The following TRIM67 variants were observed in gnomAD, a reference collection of about 807,000 sequenced individuals.
The protein encoded by TRIM67 is tripartite motif containing 67.
Under a neutral mutation model 71.0 loss-of-function variants are expected in TRIM67, and 39 were observed. The ratio of observed to expected loss-of-function variants is 0.55; its 90% CI spans 0.43 to 0.72. TRIM67 has a LOEUF of 0.72. Among genes scored for constraint, TRIM67 ranks in the 30% least tolerant of loss-of-function variants. The probability of loss-of-function intolerance (pLI) is 0.00; values close to 1 mark genes in which losing one functional copy is unlikely to be tolerated. For synonymous variants in TRIM67, 481 were observed against 473.9 expected (o/e 1.01, Z -0.19); for missense variants, 973 against 1,079.2 (o/e 0.90, Z 1.38).
chr1:231,191,959 C>T (rs1436855926), intron 1 of TRIM67, among the ~76,000 whole-genome samples: 3 of 151,898 alleles, frequency 2.0e-5, no homozygotes, highest in Non-Finnish European at 4.4e-5. Context: ...AGATCTCCAG[C>T]GTGCAGTGGG....
chr1:231,193,538 C>CTCTCTCTCTT (rs1683291530), intron 1 of TRIM67, among the ~76,000 whole-genome samples: 1 of 151,534 alleles, frequency 6.6e-6, no homozygotes. Flanking sequence ...CTCTCTCTCT[C>CTCTCTCTCTT]TCTCTCTCTC....
At position 231,201,391 on chromosome 1, in the gene TRIM67, T is replaced by A. The variant is rs1225959637; in HGVS notation, c.1408T>A (p.Ser470Thr). ...SDALIKRVQV[S>T]QEQWVKGALE... Reference sequence around the variant, plus strand: ...TGCTCTGATCAAGCGCGTCCAGGTGTCTCAGGAGCAGTGGGTCAAAGGCGC... The same window carrying A: ...TGCTCTGATCAAGCGCGTCCAGGTGACTCAGGAGCAGTGGGTCAAAGGCGC... The change falls in exon 5 of 10, where the codon TCT becomes ACT. Residue 470 changes from serine (S) to threonine (T), a missense_variant. Physicochemically the swap from Ser to Thr is moderately conservative, Grantham distance 58 (BLOSUM62 1). Transcript: ENST00000366653. The A allele has an allele frequency of 6.2e-7, 1 of 1,613,530 alleles. No individual in the cohort carries two copies. Among genetic ancestry groups the A allele is most frequent in the South Asian group, 1.1e-5 (1 of 90,920 alleles).
chr1:231,193,887 C>A (rs1391077837), intron 1 of TRIM67, among the ~76,000 whole-genome samples: 1 of 152,204 alleles, frequency 6.6e-6, no homozygotes, highest in Non-Finnish European at 1.5e-5. Flanking sequence ...TACCAAGACA[C>A]TCATGCGGAT....
At chr1:231,199,748 G>A (rs1040165937) in intron 3 of TRIM67, among the ~76,000 whole-genome samples, 5 of 152,202 alleles carry the variant, frequency 3.3e-5, no homozygotes, top group Admixed American at 3.3e-4. Context: ...AAGAAAAGGA[G>A]GAATGCATGC....
intron 8 of TRIM67, among the ~76,000 whole-genome samples, chr1:231,212,380 CT>C (rs1268071362): frequency 6.6e-6 from 1 of 152,236 alleles, no homozygotes; most frequent in East Asian, 1.9e-4. Flanking sequence ...TAATTGGGCT[CT>C]TTTGAAATGC....
intron 1 of TRIM67, among the ~76,000 whole-genome samples, chr1:231,182,539 G>A (rs898885745): frequency 1.3e-5 from 2 of 152,198 alleles, no homozygotes; most frequent in African/African-American, 4.8e-5. Context: ...GCATAAGGAA[G>A]GGACACTTGA....
intron 5 of TRIM67, 114 bp from the exon 6 acceptor site, chr1:231,203,753 A>G (rs2102754451): frequency 7.4e-7 from 1 of 1,359,026 alleles, no homozygotes; most frequent in South Asian, 1.4e-5. Context: ...CAGGGAGGGA[A>G]TTTAGCCTGG....
At chr1:231,183,661 C>G (rs368065196) in intron 1 of TRIM67, among the ~76,000 whole-genome samples, 2 of 152,078 alleles carry the variant, frequency 1.3e-5, no homozygotes, top group Non-Finnish European at 2.9e-5. Flanking sequence ...CTTGAGCACT[C>G]ACAGAATCAA....
chr1:231,214,346 C>G (rs1683955044), intron 9 of TRIM67, among the ~76,000 whole-genome samples: 1 of 152,068 alleles, frequency 6.6e-6, no homozygotes, highest in Non-Finnish European at 1.5e-5. Context: ...GAGTCCTCCT[C>G]CCCTTGGGAT....
chr1:231,196,905 C>T (rs1280263367), intron 1 of TRIM67, among the ~76,000 whole-genome samples: 1 of 152,230 alleles, frequency 6.6e-6, no homozygotes, highest in Non-Finnish European at 1.5e-5. Context: ...CCTGTCCATC[C>T]CTCAGGGCAT....
chr1:231,185,210 T>C, intron 1 of TRIM67: 2 of 1,533,004 alleles, frequency 1.3e-6, no homozygotes, highest in Non-Finnish European at 8.7e-7. Flanking sequence ...CTTCTCAGGA[T>C]TCCCAGAGCC....
chr1:231,221,006 C>G lies in TRIM67; in HGVS notation c.*5566C>G, dbSNP rs1400311724. The G allele has an allele frequency of 6.6e-6, 1 of 152,276 alleles. No homozygotes were observed. Among genetic ancestry groups the G allele is most frequent in the African/African-American group, 2.4e-5 (1 of 41,454 alleles). 9.4% of individuals were successfully genotyped at this position (152,276 alleles called of 1,614,324 possible). A position where few individuals can be genotyped will look rare whatever the true frequency, so the allele number is the denominator to read the frequency against. On this transcript the variant is annotated 3_prime_UTR_variant, in exon 10 of 10. Coordinates refer to ENST00000366653, the MANE Select transcript of TRIM67 (RefSeq NM_001004342.5). ...GGGAAGCCTCTCCAACTCCTCCTAG[C>G]CCTGGAAACCAGACACCCAGAGCCC...
At chr1:231,211,667 C>G (rs1286308535) in intron 8 of TRIM67, among the ~76,000 whole-genome samples, 1 of 152,258 alleles carries the variant, frequency 6.6e-6, no homozygotes, top group Admixed American at 6.5e-5. Flanking sequence ...TGAATCCTCG[C>G]TGCTCACCTT....
chr1:231,211,766 A>C (rs1323370331), intron 8 of TRIM67, among the ~76,000 whole-genome samples: 1 of 152,140 alleles, frequency 6.6e-6, no homozygotes, highest in African/African-American at 2.4e-5. Context: ...TGGCGCTGCT[A>C]AGGTTAAGGC....
intron 9 of TRIM67, among the ~76,000 whole-genome samples, chr1:231,215,081 G>C (rs535575520): frequency 9.5e-4 from 145 of 152,368 alleles, no homozygotes; most frequent in African/African-American, 3.2e-3. Context: ...GCCAGTGCGT[G>C]AGAGCCGTGC....
chr1:231,174,823 C>T (rs1302140048), intron 1 of TRIM67, among the ~76,000 whole-genome samples: 2 of 152,010 alleles, frequency 1.3e-5, no homozygotes, highest in Non-Finnish European at 1.5e-5. Flanking sequence ...ATTTATAAAC[C>T]CTTGCAAACT....
In TRIM67 at chr1:231,219,027, C is replaced by T; in HGVS notation, c.*3587C>T. 1.0e-6 allele frequency: 1 copy of T among 985,510 alleles called. No individual in the cohort carries two copies. The highest frequency in any genetic ancestry group is 1.2e-6 in the Non-Finnish European group (1 of 829,992). 61.0% of individuals were successfully genotyped at this position (985,510 alleles called of 1,614,324 possible). ...GTCCCCCTGGGAAGGCGGGTTTCGGCACCGGTGGGCAGGTGGTTCAGTGTC... is the reference window on the plus strand; with the variant it reads ...GTCCCCCTGGGAAGGCGGGTTTCGGTACCGGTGGGCAGGTGGTTCAGTGTC... On this transcript the variant is annotated 3_prime_UTR_variant, in exon 10 of 10. Coordinates refer to ENST00000366653, the MANE Select transcript of TRIM67 (RefSeq NM_001004342.5).
In TRIM67 at chr1:231,201,376, A is replaced by G; in HGVS notation, c.1393A>G (p.Lys465Glu). The G allele has an allele frequency of 6.2e-7, 1 of 1,613,234 alleles. No individual in the cohort carries two copies. The highest frequency in any genetic ancestry group is 1.1e-5 in the South Asian group (1 of 90,832). The change falls in exon 5 of 10, where the codon AAG (lysine) becomes GAG (glutamate). Residue 465 changes from lysine to glutamate, a missense_variant. Physicochemically the swap from Lys to Glu is moderately conservative, Grantham distance 56. Coordinates refer to ENST00000366653, the MANE Select transcript of TRIM67 (RefSeq NM_001004342.5). The stretch of plus-strand genomic sequence containing the variant: ...CTTTAAGATCTCAGATGCTCTGATC[A>G]AGCGCGTCCAGGTGTCTCAGGAGCA... ...GFLQISDALIKRVQVSQEQWV... is the reference protein window; with the variant it reads ...GFLQISDALIERVQVSQEQWV...
At chr1:231,187,532 C>A in intron 1 of TRIM67, 2 of 1,532,462 alleles carry the variant, frequency 1.3e-6, no homozygotes, top group East Asian at 2.4e-5. Context: ...CACTGAGGGG[C>A]AGATAAAAAG....
Sources: gnomAD v4.1 joint callset for allele counts (sites outside exome capture counted in the v4.1 genomes callset) on GRCh38, gnomAD v4.1.1 for gene constraint, MANE v1.5 for transcripts, NCBI Gene and HGNC (gene_info 2026-07-23, HGNC 2026-07-21) for gene names.